SBF2: variants seen among roughly 807,000 people sequenced by gnomAD.
SBF2 encodes SET binding factor 2, also known as myotubularin-related protein 13.
In SBF2, 112 loss-of-function variants were observed where a neutral mutation model predicts 225.2. That is an observed-to-expected ratio of 0.50 (90% CI 0.43 to 0.58). The LOEUF (loss-of-function observed/expected upper bound fraction) is 0.58, where lower values mean the gene tolerates loss of function less well. Among genes scored for constraint, SBF2 ranks in the 20% least tolerant of loss-of-function variants. The pLI is 0.00. For synonymous variants in SBF2, 763 were observed against 773.3 expected (o/e 0.99, Z 0.22); for missense variants, 1,996 against 2,206.2 (o/e 0.90, Z 1.91).
chr11:10,115,252 C>A (rs1640494491), intron 2 of SBF2, among the ~76,000 whole-genome samples: 1 of 151,996 alleles, frequency 6.6e-6, no homozygotes, highest in South Asian at 2.1e-4. Context: ...GCAGTTCTAA[C>A]CTTTTCTATA....
rs1157037356 is a variant in SBF2 at position 9,845,664 on chromosome 11, C to T, written c.3011G>A (p.Arg1004His). 1.1e-5 allele frequency: 17 copies of T among 1,613,716 alleles called. No individual in the cohort carries two copies. The highest frequency in any genetic ancestry group is 1.6e-4 in the Middle Eastern group (1 of 6,084). The change falls in exon 24 of 40, where the codon CGT becomes CAT. Residue 1004 changes from arginine (R) to histidine (H), a missense_variant. Arg to His is a conservative substitution (Grantham distance 29, BLOSUM62 0). Transcript: ENST00000256190. Reference sequence around the variant, plus strand: ...GGTACTGAAAATGGACTGAGGATAACGGAACTTCATCAGCTGTTTCTTAAA... The same window carrying T: ...GGTACTGAAAATGGACTGAGGATAATGGAACTTCATCAGCTGTTTCTTAAA... ...EIFKKQLMKF[R>H]YPQSIFSTFA...
chr11:10,054,906 G>GT (rs1339590936), intron 2 of SBF2, among the ~76,000 whole-genome samples: 8 of 148,130 alleles, frequency 5.4e-5, no homozygotes, highest in East Asian at 2.0e-4. Context: ...TTTTTTTTTT[G>GT]TTTTTTTGTT....
At chr11:9,974,882 C>G (rs1382993552) in intron 13 of SBF2, among the ~76,000 whole-genome samples, 1 of 145,210 alleles carries the variant, frequency 6.9e-6, no homozygotes, top group Non-Finnish European at 1.5e-5. Flanking sequence ...ATCGCTTGAA[C>G]CCAGGAGGCA....
chr11:10,252,989 TG>T (rs879607506), intron 1 of SBF2, among the ~76,000 whole-genome samples: 1 of 152,124 alleles, frequency 6.6e-6, no homozygotes, highest in African/African-American at 2.4e-5. Flanking sequence ...GCTGTGATTC[TG>T]GGATCTGCCC....
intron 2 of SBF2, among the ~76,000 whole-genome samples, chr11:10,093,573 T>C (rs941353079): frequency 2.0e-5 from 3 of 152,178 alleles, no homozygotes; most frequent in African/African-American, 7.2e-5. Flanking sequence ...ACGATGTACA[T>C]ATATGTACTA....
chr11:10,224,340 A>G (rs1489515918), intron 1 of SBF2, among the ~76,000 whole-genome samples: 1 of 152,126 alleles, frequency 6.6e-6, no homozygotes, highest in African/African-American at 2.4e-5. Context: ...TTTACACTAG[A>G]TCCAGCCACC....
At chr11:10,225,291 C>A (rs1958495886) in intron 1 of SBF2, among the ~76,000 whole-genome samples, 1 of 149,582 alleles carries the variant, frequency 6.7e-6, no homozygotes, top group African/African-American at 2.5e-5. Context: ...TTTCAACAAA[C>A]AAAAATAAAA....
chr11:10,143,884 A>AT lies in SBF2; in HGVS notation c.141+50017dup, dbSNP rs1452091568. The stretch of plus-strand genomic sequence containing the variant: ...AGGCACTCGCTACCGCGCCCGGCTA[A>AT]TTTTTTTTGTATTTTTAGTAGAGAC... On this transcript the variant is annotated intron_variant, in intron 2 of 39. Coordinates refer to ENST00000256190, the MANE Select transcript of SBF2 (RefSeq NM_030962.4). Among the ~76,000 whole-genome samples the AT allele has an allele frequency of 2.7e-3, 414 of 151,780 alleles. 5 individuals are homozygous for AT. The highest frequency in any genetic ancestry group is 1.0e-3 in the Non-Finnish European group (71 of 67,908).
At chr11:10,053,756 A>G (rs1343813247) in intron 2 of SBF2, among the ~76,000 whole-genome samples, 2 of 140,264 alleles carry the variant, frequency 1.4e-5, no homozygotes, top group Non-Finnish European at 3.1e-5. Context: ...CTTGTCTCGG[A>G]AAAAAAAAAA....
At chr11:10,032,773 G>T (rs1046141826) in intron 3 of SBF2, among the ~76,000 whole-genome samples, 1 of 152,152 alleles carries the variant, frequency 6.6e-6, no homozygotes, top group African/African-American at 2.4e-5. Flanking sequence ...TGATTTCCCA[G>T]TTCCTAAAAT....
At chr11:9,953,178 G>A (rs1438634337) in intron 16 of SBF2, among the ~76,000 whole-genome samples, 1 of 152,222 alleles carries the variant, frequency 6.6e-6, no homozygotes, top group African/African-American at 2.4e-5. Context: ...GGGCACAGTG[G>A]CTTATGCCTG....
chr11:10,075,548 T>C (rs1951065608), intron 2 of SBF2, among the ~76,000 whole-genome samples: 1 of 152,214 alleles, frequency 6.6e-6, no homozygotes, highest in South Asian at 2.1e-4. Flanking sequence ...CTTGCTGTTC[T>C]TATGATAGTG....
intron 16 of SBF2, among the ~76,000 whole-genome samples, chr11:9,926,609 G>C (rs1387888124): frequency 6.6e-6 from 1 of 152,074 alleles, no homozygotes; most frequent in Non-Finnish European, 1.5e-5. Context: ...TCCACGCAAA[G>C]AGTATAATAT....
intron 16 of SBF2, among the ~76,000 whole-genome samples, chr11:9,900,442 C>T (rs1401409649): frequency 2.0e-5 from 3 of 152,222 alleles, no homozygotes; most frequent in South Asian, 2.1e-4. Context: ...AACCATTTTT[C>T]CCACCAAACC....
chr11:9,807,195 C>A (rs1462837910), intron 32 of SBF2, among the ~76,000 whole-genome samples: 1 of 152,170 alleles, frequency 6.6e-6, no homozygotes, highest in African/African-American at 2.4e-5. Context: ...TTTTCCTAGG[C>A]CAATTCAGTC....
intron 17 of SBF2, among the ~76,000 whole-genome samples, chr11:9,891,616 AT>A (rs1199950912): frequency 6.6e-6 from 1 of 152,270 alleles, no homozygotes; most frequent in African/African-American, 2.4e-5. Context: ...AAACATAAGT[AT>A]AAAAGATTAC....
At chr11:10,160,548 C>A (rs553658638) in intron 2 of SBF2, among the ~76,000 whole-genome samples, 1 of 152,146 alleles carries the variant, frequency 6.6e-6, no homozygotes, top group South Asian at 2.1e-4. Flanking sequence ...ACAATGTTAA[C>A]AGTGGTTATC....
chr11:9,893,183 G>A (rs533926843), intron 17 of SBF2, among the ~76,000 whole-genome samples: 19 of 152,310 alleles, frequency 1.2e-4, no homozygotes, highest in Admixed American at 1.0e-3. Context: ...TGGACAGTAT[G>A]AGGATGGCTA....
Position 9,845,735 on chromosome 11 carries a change from A to T in SBF2, c.2940T>A (p.Ile980=). 1.9e-6 allele frequency: 3 copies of T among 1,613,628 alleles called. No homozygotes were observed. Among genetic ancestry groups the T allele is most frequent in the Non-Finnish European group, 2.5e-6 (3 of 1,179,566 alleles). The part of the protein sequence containing the change: ...LQITSASFQL[I]KVAFDEEVSP... The stretch of plus-strand genomic sequence containing the variant: ...TGACTTCTTCATCAAATGCTACCTT[A>T]ATCAACTAGAAGCAAAAGAGATTAA... Residue 980 remains isoleucine, a synonymous_variant, in exon 24 of 40, where the codon ATT becomes ATA. Transcript: ENST00000256190.
Sources: gnomAD v4.1 joint callset for allele counts (sites outside exome capture counted in the v4.1 genomes callset) on GRCh38, gnomAD v4.1.1 for gene constraint, MANE v1.5 for transcripts, NCBI Gene and HGNC (gene_info 2026-07-23, HGNC 2026-07-21) for gene names.